TRIM36: variants seen among roughly 807,000 people sequenced by gnomAD.
TRIM36 encodes tripartite motif containing 36.
TRIM36 carries 42 observed loss-of-function variants against 72.4 expected under a neutral mutation model. The observed-to-expected ratio is 0.58, with a 90% CI of 0.45 to 0.75. The LOEUF is 0.75. Ranked by LOEUF, TRIM36 falls within the 30% of genes least tolerant of loss-of-function variation. TRIM36 has a pLI of 0.00. For missense variants in TRIM36, 913 were observed against 857.1 expected (o/e 1.07, Z -0.81); for synonymous variants, 315 against 282.8 (o/e 1.11, Z -1.14).
intron 1 of TRIM36, among the ~76,000 whole-genome samples, chr5:115,179,626 C>G (rs543235147): frequency 1.3e-5 from 2 of 152,222 alleles, no homozygotes; most frequent in African/African-American, 2.4e-5. Flanking sequence ...GTTTGAGTAG[C>G]CCTGGTTGGT....
intron 1 of TRIM36, among the ~76,000 whole-genome samples, chr5:115,167,411 G>A (rs1754843336): frequency 6.6e-6 from 1 of 152,186 alleles, no homozygotes; most frequent in Admixed American, 6.5e-5. Flanking sequence ...TCCCTCCCCA[G>A]AAAATAGGTT....
Position 115,134,130 on chromosome 5 carries a change from T to A in TRIM36, c.1228A>T (p.Ile410Phe). The change falls in exon 8 of 10, where the codon ATC (isoleucine) becomes TTC (phenylalanine). Residue 410 changes from isoleucine (I) to phenylalanine (F), a missense_variant. Physicochemically the swap from Ile to Phe is conservative, Grantham distance 21. Transcript: ENST00000513154. ...TAAACTTTGCTCTGTTCCTCATTGATCTCTGGCACGTCTATGCCTGAAAGA... is the reference window on the plus strand; with the variant it reads ...TAAACTTTGCTCTGTTCCTCATTGAACTCTGGCACGTCTATGCCTGAAAGA... ...FFSSGIDVPEINEEQSKVYNN... is the reference protein window; with the variant it reads ...FFSSGIDVPEFNEEQSKVYNN... The A allele has an allele frequency of 1.3e-6, 2 of 1,595,280 alleles. No homozygotes were observed. The highest frequency in any genetic ancestry group is 2.3e-5 in the East Asian group (1 of 44,384).
chr5:115,158,443 A>G (rs1030276446), intron 2 of TRIM36, among the ~76,000 whole-genome samples: 1 of 152,238 alleles, frequency 6.6e-6, no homozygotes, highest in African/African-American at 2.4e-5. Context: ...ATTTCAAAAC[A>G]AAGAGAAGAG....
At position 115,126,351 on chromosome 5, in the gene TRIM36, G is replaced by C; in HGVS notation, c.*152C>G. ...GCAGAACAACGACATGAAGACACAA[G>C]GCTGTTTAGATTTTCTGTATTTCAA... On this transcript the variant is annotated 3_prime_UTR_variant, in exon 10 of 10. Transcript: ENST00000513154. 1.6e-6 allele frequency: 1 copy of C among 616,954 alleles called. No homozygotes were observed. The highest frequency in any genetic ancestry group is 2.8e-6 in the Non-Finnish European group (1 of 360,948). The allele number at this position is 616,954 out of a possible 1,614,324, so 38.2% of individuals were successfully genotyped here. A position where few individuals can be genotyped will look rare whatever the true frequency, so the allele number is the denominator to read the frequency against.
intron 5 of TRIM36, among the ~76,000 whole-genome samples, chr5:115,139,445 T>C (rs552103493): frequency 7.9e-5 from 12 of 152,334 alleles, no homozygotes; most frequent in South Asian, 2.1e-4. Flanking sequence ...AAGCTGACAA[T>C]ATATGGCAGA....
chr5:115,139,254 G>A (rs1753143605), intron 5 of TRIM36, among the ~76,000 whole-genome samples: 1 of 151,904 alleles, frequency 6.6e-6, no homozygotes. Flanking sequence ...CCGAGTAGCT[G>A]GGATTACAGG....
At chr5:115,157,049 A>C (rs1450384524) in intron 2 of TRIM36, among the ~76,000 whole-genome samples, 1 of 152,210 alleles carries the variant, frequency 6.6e-6, no homozygotes, top group Non-Finnish European at 1.5e-5. Context: ...GTGGTCAACA[A>C]ACATATTTCA....
rs1752315818 is a variant in TRIM36 at position 115,125,153 on chromosome 5, A to ATTTT, written c.*1349_*1350insAAAA. On this transcript the variant is annotated 3_prime_UTR_variant, in exon 10 of 10. Coordinates refer to ENST00000513154, the MANE Select transcript of TRIM36 (RefSeq NM_001300759.2). ...AACAACAAGGACAACCAAAAAAAAC[A>ATTTT]GGCCTAAAAGTTTTGGTTACCCTGT... The ATTTT allele has an allele frequency of 6.6e-6, 1 of 152,262 alleles. No homozygotes were observed. The highest frequency in any genetic ancestry group is 1.5e-5 in the Non-Finnish European group (1 of 67,962). The allele number at this position is 152,262 out of a possible 1,614,324, so 9.4% of individuals were successfully genotyped here.
rs1445427877 is a variant in TRIM36 at position 115,125,127 on chromosome 5, T to TAAC, written c.*1373_*1375dup. ...GAGTAACAGATTTCCATTAAAAATA[T>TAAC]AACAACAAGGACAACCAAAAAAAAC... On this transcript the variant is annotated 3_prime_UTR_variant, in exon 10 of 10. Transcript: ENST00000513154. 1 of 152,302 alleles carries TAAC rather than the reference T, an allele frequency of 6.6e-6. No individual in the cohort carries two copies. Among genetic ancestry groups the TAAC allele is most frequent in the African/African-American group, 2.4e-5 (1 of 41,424 alleles). 9.4% of individuals were successfully genotyped at this position (152,302 alleles called of 1,614,324 possible).
chr5:115,165,278 C>CTG (rs1754701013), intron 1 of TRIM36, among the ~76,000 whole-genome samples: 2 of 152,214 alleles, frequency 1.3e-5, no homozygotes, highest in South Asian at 4.1e-4. Flanking sequence ...AGTGGGGACT[C>CTG]TGTGTGGCGG....
upstream of TRIM36, among the ~76,000 whole-genome samples, chr5:115,170,576 C>G (rs1422666326): frequency 1.3e-5 from 2 of 152,236 alleles, no homozygotes; most frequent in African/African-American, 2.4e-5. Context: ...TCTGGCTTCA[C>G]TTGCTGGGTG....
chr5:115,160,287 T>A (rs558789600), intron 2 of TRIM36, among the ~76,000 whole-genome samples: 65 of 152,276 alleles, frequency 4.3e-4, no homozygotes, highest in Non-Finnish European at 4.7e-4. Context: ...AAGTTTAAAT[T>A]TTCCAGTAGC....
At chr5:115,170,285 G>C (rs530305955), upstream of TRIM36, among the ~76,000 whole-genome samples, 3 of 152,344 alleles carry the variant, frequency 2.0e-5, no homozygotes, top group South Asian at 6.2e-4. Flanking sequence ...AGAGCAGCCG[G>C]CTGCAGCCCT....
intron 2 of TRIM36, among the ~76,000 whole-genome samples, chr5:115,163,019 G>A (rs554990578): frequency 4.0e-5 from 6 of 150,876 alleles, no homozygotes; most frequent in East Asian, 1.9e-4. Context: ...GTGCAATGGC[G>A]CGATCTCGGC....
At chr5:115,127,004 A>G in intron 9 of TRIM36, 147 bp from the exon 10 acceptor site, 1 of 830,460 alleles carries the variant, frequency 1.2e-6, no homozygotes, top group Non-Finnish European at 1.8e-6. Flanking sequence ...AAACATAAAA[A>G]TGACACATTA....
At chr5:115,165,142 C>T (rs34341914) in intron 1 of TRIM36, among the ~76,000 whole-genome samples, 4,564 of 152,326 alleles carry the variant, frequency 0.03, 105 homozygotes, top group East Asian at 0.075. Flanking sequence ...ACACCACCTG[C>T]TTTCATGGCT....
chr5:115,179,884 C>A (rs1401669028), intron 1 of TRIM36: 10 of 1,285,158 alleles, frequency 7.8e-6, no homozygotes, highest in Middle Eastern at 2.2e-4. Flanking sequence ...CCTTCCCAGG[C>A]GCTGGAATGG....
chr5:115,149,807 G>A (rs1753791764), intron 2 of TRIM36, among the ~76,000 whole-genome samples: 1 of 151,988 alleles, frequency 6.6e-6, no homozygotes, highest in South Asian at 2.1e-4. Context: ...CGTCCAGGCT[G>A]GAGTGCAGTG....
chr5:115,166,187 C>G (rs773431781), intron 1 of TRIM36, among the ~76,000 whole-genome samples: 4 of 152,170 alleles, frequency 2.6e-5, no homozygotes, highest in Non-Finnish European at 4.4e-5. Context: ...AGCCTAGGGT[C>G]CAGGCTGCCA....
Sources: allele counts gnomAD v4.1 joint callset (sites outside exome capture counted in the v4.1 genomes callset), GRCh38; gene constraint gnomAD v4.1.1; transcripts MANE v1.5; gene names NCBI Gene and HGNC (gene_info 2026-07-23, HGNC 2026-07-21).